Variants in DEFB114 observed in about 807,000 individuals in gnomAD.
The protein encoded by DEFB114 is defensin beta 114.
DEFB114 carries 4 observed loss-of-function variants against 2.4 expected under a neutral mutation model. That is an observed-to-expected ratio of 1.67 (90% CI 0.82 to 3.82). The LOEUF (loss-of-function observed/expected upper bound fraction) is 3.82, where lower values mean the gene tolerates loss of function less well. Ranked by LOEUF, DEFB114 falls within the 30% of genes most tolerant of loss-of-function variation. The pLI, the probability that DEFB114 is intolerant of heterozygous loss-of-function variation, is 0.01. For synonymous variants in DEFB114, 35 were observed against 24.6 expected, an observed-to-expected ratio of 1.42 and a Z score of -1.26; for missense variants, 113 against 85.8, an observed-to-expected ratio of 1.32 and a Z score of -1.25.
At chr6:49,962,002 A>AT (rs1582337341) in intron 1 of DEFB114, among the ~76,000 whole-genome samples, 1 of 150,732 alleles carries the variant, frequency 6.6e-6, no homozygotes, top group Admixed American at 6.6e-5. Context: ...CATATACGAC[A>AT]TTTTAGCCTT....
intron 1 of DEFB114, among the ~76,000 whole-genome samples, chr6:49,961,377 T>C (rs1396705289): frequency 1.3e-5 from 2 of 150,708 alleles, no homozygotes; most frequent in East Asian, 1.9e-4. Context: ...GTAGCTAACT[T>C]CATTTCTTTT....
intron 1 of DEFB114, among the ~76,000 whole-genome samples, chr6:49,962,446 T>C (rs1773478222): frequency 6.6e-6 from 1 of 150,488 alleles, no homozygotes; most frequent in Admixed American, 6.7e-5. Flanking sequence ...GGACAGTCTG[T>C]CTTTTTTATA....
chr6:49,963,239 G>A (rs1257586780), intron 1 of DEFB114, among the ~76,000 whole-genome samples: 1 of 150,020 alleles, frequency 6.7e-6, no homozygotes, highest in Non-Finnish European at 1.5e-5. Context: ...AAAGTTTCTT[G>A]TTCACAATAT....
intron 1 of DEFB114, among the ~76,000 whole-genome samples, chr6:49,962,231 C>T (rs1773474877): frequency 6.6e-6 from 1 of 150,376 alleles, no homozygotes. Context: ...TAGTTTCAGA[C>T]ATCTAAAATC....
chr6:49,963,108 T>G (rs982382329), intron 1 of DEFB114, among the ~76,000 whole-genome samples: 2 of 150,156 alleles, frequency 1.3e-5, no homozygotes. Flanking sequence ...ATACACAAAC[T>G]TTTCCAGATA....
At chr6:49,960,804 A>G (rs1208774239) in intron 1 of DEFB114, among the ~76,000 whole-genome samples, 1 of 150,860 alleles carries the variant, frequency 6.6e-6, no homozygotes, top group East Asian at 1.9e-4. Flanking sequence ...AAAGTTTTTA[A>G]TATTTTAGGA....
At chr6:49,961,724 A>G (rs1561977099) in intron 1 of DEFB114, among the ~76,000 whole-genome samples, 1 of 150,816 alleles carries the variant, frequency 6.6e-6, no homozygotes, top group Non-Finnish European at 1.5e-5. Flanking sequence ...TGTAAACACT[A>G]CCCAAGTCAA....
Position 49,960,384 on chromosome 6 carries a change from A to C in DEFB114, c.118T>G (p.Cys40Gly). 6.2e-7 allele frequency: 1 copy of C among 1,608,818 alleles called. No homozygotes were observed. Among genetic ancestry groups the C allele is most frequent in the Non-Finnish European group, 8.5e-7 (1 of 1,176,804 alleles). Residue 40 changes from cysteine (C) to glycine (G), a missense_variant, in exon 2 of 2, where the codon TGT becomes GGT. Coordinates refer to ENST00000322066, the MANE Select transcript of DEFB114 (RefSeq NM_001037499.2). ...TKRYGRCKRD[C>G]LESEKQIDIC... ...TCTATTTGCTTTTCACTCTCAAGAC[A>C]GTCTCTTTTACAACGACCGTAACGT... is the stretch of plus-strand genomic sequence containing the variant.
chr6:49,960,872 G>GC (rs1351131837), intron 1 of DEFB114, among the ~76,000 whole-genome samples: 4 of 150,730 alleles, frequency 2.7e-5, no homozygotes, highest in Non-Finnish European at 3.0e-5. Flanking sequence ...TATGATAGTT[G>GC]TAAAAAAGTT....
Position 49,960,436 on chromosome 6 carries a change from G to A in DEFB114, c.66C>T (p.Thr22=). The stretch of plus-strand genomic sequence containing the variant: ...TGGTGCAACGATCAGCATTCACCAA[G>A]GTACATGTGGCTACGGTAAAAGAAG... ...YVTFILPATC[T]LVNADRCTKR... Residue 22 remains threonine, a synonymous_variant, in exon 2 of 2, where the codon ACC becomes ACT. Coordinates refer to ENST00000322066, the MANE Select transcript of DEFB114 (RefSeq NM_001037499.2). 1.3e-6 allele frequency: 2 copies of A among 1,590,718 alleles called. No homozygotes were observed. Among genetic ancestry groups the A allele is most frequent in the Non-Finnish European group, 1.7e-6 (2 of 1,170,568 alleles).
chr6:49,962,540 G>A lies in DEFB114; in HGVS notation c.55+1511C>T, dbSNP rs1773479926. Among the ~76,000 whole-genome samples, 3 of 150,200 alleles carry A rather than the reference G, an allele frequency of 2.0e-5. No individual in the cohort carries two copies. In the Admixed American group the frequency reaches 2.0e-4, roughly 10 times the overall value. On this transcript the variant is annotated intron_variant, in intron 1 of 1. Transcript: ENST00000322066. The stretch of plus-strand genomic sequence containing the variant: ...TTGAACATATTTTTCTCCATATAGA[G>A]CTTGCTTTTTTTAGTTGGTGTTTTT...
At chr6:49,961,446 T>C (rs1473959222) in intron 1 of DEFB114, among the ~76,000 whole-genome samples, 1 of 150,758 alleles carries the variant, frequency 6.6e-6, no homozygotes, top group Admixed American at 6.6e-5. Context: ...CCTCTTTAAA[T>C]GATTTTCACT....
chr6:49,963,680 A>C (rs1290418050), intron 1 of DEFB114, among the ~76,000 whole-genome samples: 1 of 149,962 alleles, frequency 6.7e-6, no homozygotes, highest in African/African-American at 2.4e-5. Flanking sequence ...AGAAATATAC[A>C]CTGCTGTTCT....
At chr6:49,962,018 C>T (rs1029315910) in intron 1 of DEFB114, among the ~76,000 whole-genome samples, 2 of 150,470 alleles carry the variant, frequency 1.3e-5, no homozygotes, top group East Asian at 1.9e-4. Flanking sequence ...GCCTTATCTG[C>T]TGATGAATAT....
At position 49,960,338 on chromosome 6, in the gene DEFB114, T is replaced by A. The variant is rs1773436264; in HGVS notation, c.164A>T (p.Lys55Ile). 6.2e-7 allele frequency: 1 copy of A among 1,607,206 alleles called. No homozygotes were observed. Among genetic ancestry groups the A allele is most frequent in the Non-Finnish European group, 8.5e-7 (1 of 1,176,142 alleles). The change falls in exon 2 of 2, where the codon AAA (lysine) becomes ATA (isoleucine). Residue 55 changes from lysine (K) to isoleucine (I), a missense_variant. Coordinates refer to ENST00000322066, the MANE Select transcript of DEFB114 (RefSeq NM_001037499.2). ...ATACAATTTCTCAGTGCAGCAAATT[T>A]TTCTTGGTAAGGAACATATGTCTAT... is the stretch of plus-strand genomic sequence containing the variant. Reference protein sequence around the residue: ...KQIDICSLPRKICCTEKLYEE... With the variant: ...KQIDICSLPRIICCTEKLYEE...
chr6:49,963,419 T>C (rs1180478145), intron 1 of DEFB114, among the ~76,000 whole-genome samples: 2 of 150,104 alleles, frequency 1.3e-5, no homozygotes, highest in Non-Finnish European at 3.0e-5. Flanking sequence ...TGTTTTCTAC[T>C]TACATCTAAT....
intron 1 of DEFB114, 95 bp from the exon 2 acceptor site, chr6:49,960,541 T>A: frequency 7.5e-7 from 1 of 1,325,768 alleles, no homozygotes; most frequent in Non-Finnish European, 1.0e-6. Flanking sequence ...TTGTATCAAG[T>A]TTAGAAAATA....
intron 1 of DEFB114, among the ~76,000 whole-genome samples, chr6:49,961,825 T>A: frequency 6.6e-6 from 1 of 150,784 alleles, no homozygotes; most frequent in South Asian, 2.1e-4. Flanking sequence ...TGATTTATAT[T>A]TTGTTTAAGC....
intron 1 of DEFB114, among the ~76,000 whole-genome samples, chr6:49,960,765 A>G (rs1427917352): frequency 2.0e-5 from 3 of 150,834 alleles, no homozygotes; most frequent in African/African-American, 7.3e-5. Flanking sequence ...ATAATCTTTC[A>G]GCTGTTTTCA....
Sources: allele counts gnomAD v4.1 joint callset (sites outside exome capture counted in the v4.1 genomes callset), GRCh38; gene constraint gnomAD v4.1.1; transcripts MANE v1.5; gene names NCBI Gene and HGNC (gene_info 2026-07-23, HGNC 2026-07-21).